AGMO: variants seen among roughly 807,000 people sequenced by gnomAD.
AGMO encodes the protein glyceryl-ether monooxygenase.
AGMO carries 75 observed loss-of-function variants against 60.2 expected under a neutral mutation model. That is an observed-to-expected ratio of 1.25 (90% CI 1.03 to 1.51). The LOEUF is 1.51. Among genes scored for constraint, AGMO ranks in the 40% most tolerant of loss-of-function variants. The pLI, the probability that AGMO is intolerant of heterozygous loss-of-function variation, is 0.00. For missense variants in AGMO, 763 were observed against 525.5 expected (o/e 1.45, Z -4.42); for synonymous variants, 261 against 177.1 (o/e 1.47, Z -3.76).
intron 10 of AGMO, among the ~76,000 whole-genome samples, chr7:15,385,048 A>C (rs1783859463): frequency 6.6e-6 from 1 of 152,118 alleles, no homozygotes; most frequent in Admixed American, 6.5e-5. Flanking sequence ...CTACACTGAA[A>C]ACCCTTTAAA....
chr7:15,514,705 A>G (rs1306115202), intron 3 of AGMO, among the ~76,000 whole-genome samples: 2 of 152,196 alleles, frequency 1.3e-5, no homozygotes, highest in African/African-American at 4.8e-5. Context: ...TGTCATCAAG[A>G]AAGGGAAAAA....
rs536193303 is a variant in AGMO, at chr7:15,544,833, A to C, written c.348T>G (p.Thr116=). The part of the protein sequence containing the change: ...LFNLPWDSPW[T]WYSAFLGVDF... ...CAACTCCTAAGAAGGCTGAATACCA[A>C]GTCCATGGAGAATCCCAAGGCAAAT... is the stretch of plus-strand genomic sequence containing the variant. The change falls in exon 3 of 13, where the codon ACT becomes ACG. Residue 116 remains threonine, a synonymous_variant. Transcript: ENST00000342526. The C allele has an allele frequency of 9.9e-6, 16 of 1,610,284 alleles. No homozygotes were observed. The highest frequency in any genetic ancestry group is 1.3e-5 in the Non-Finnish European group (15 of 1,178,048).
At chr7:15,454,162 T>C (rs1359037948) in intron 3 of AGMO, among the ~76,000 whole-genome samples, 6 of 151,760 alleles carry the variant, frequency 4.0e-5, no homozygotes, top group Non-Finnish European at 2.9e-5. Flanking sequence ...TATATGCTCA[T>C]TGTAGAAAAT....
chr7:15,441,475 A>G (rs1781552196), intron 3 of AGMO, among the ~76,000 whole-genome samples: 1 of 152,216 alleles, frequency 6.6e-6, no homozygotes, highest in Non-Finnish European at 1.5e-5. Flanking sequence ...AAATACATTC[A>G]AAAGGAGTTC....
chr7:15,278,861 T>TG lies in AGMO; in HGVS notation c.1264-77503dup, dbSNP rs572745929. On this transcript the variant is annotated intron_variant, in intron 12 of 12. Transcript: ENST00000342526. ...CCAGGCTGCAGCTATAGTACTCACA[T>TG]GGGGACAGGGTGACTCCACTGAGGA... Among the ~76,000 whole-genome samples, 52 of 152,140 alleles carry TG rather than the reference T, an allele frequency of 3.4e-4. No individual in the cohort carries two copies. In the East Asian group the frequency reaches 9.5e-3, roughly 28 times the overall value.
intron 12 of AGMO, among the ~76,000 whole-genome samples, chr7:15,236,626 A>C (rs1451354751): frequency 2.6e-5 from 4 of 152,116 alleles, no homozygotes; most frequent in African/African-American, 9.7e-5. Flanking sequence ...CCAGTCATCG[A>C]TGATATTATT....
At chr7:15,559,468 A>T (rs1232187703) in intron 2 of AGMO, among the ~76,000 whole-genome samples, 1 of 152,100 alleles carries the variant, frequency 6.6e-6, no homozygotes. Flanking sequence ...TAATGAATGA[A>T]TCTGAATTGG....
At chr7:15,517,184 T>C (rs188095522) in intron 3 of AGMO, among the ~76,000 whole-genome samples, 200 of 151,990 alleles carry the variant, frequency 1.3e-3, no homozygotes, top group African/African-American at 4.6e-3. Flanking sequence ...TCAAACTTGA[T>C]GGAATCACAA....
rs115713406 is a variant in AGMO, at chr7:15,479,218, C to A, written c.410-48110G>T. ...GACAACCTAAAATAAGAGATGCTCT[C>A]ATGTTTGTGATAACAGAGTTGAAGG... On this transcript the variant is annotated intron_variant, in intron 3 of 12. Transcript: ENST00000342526. Among the ~76,000 whole-genome samples, 1,091 of 152,202 alleles carry A rather than the reference C, an allele frequency of 7.2e-3. 17 individuals carry two copies. Among genetic ancestry groups the A allele is most frequent in the African/African-American group, 0.025 (1,038 of 41,540 alleles).
At chr7:15,311,526 C>T (rs565467147) in intron 12 of AGMO, among the ~76,000 whole-genome samples, 66 of 152,182 alleles carry the variant, frequency 4.3e-4, no homozygotes, top group Non-Finnish European at 7.2e-4. Context: ...CAAACCAATC[C>T]GGGCTCAGAT....
At chr7:15,233,841 G>C (rs1033418682) in intron 12 of AGMO, among the ~76,000 whole-genome samples, 21 of 152,226 alleles carry the variant, frequency 1.4e-4, no homozygotes, top group African/African-American at 4.8e-4. Flanking sequence ...CACGAGGTCA[G>C]TTCGAGACCA....
chr7:15,315,327 G>GTTTTTTT (rs1780888195), intron 12 of AGMO, among the ~76,000 whole-genome samples: 1 of 68,842 alleles, frequency 1.5e-5, no homozygotes, highest in African/African-American at 6.1e-5. Context: ...ATGGATATTT[G>GTTTTTTT]CTTTTTTTTT....
At chr7:15,200,195 ATTTT>A (rs11315978), downstream of AGMO, 1 of 151,132 alleles carries the variant, frequency 6.6e-6, no homozygotes, top group Non-Finnish European at 1.5e-5. Flanking sequence ...AAAAATAAAG[ATTTT>A]TTTTTTAACT....
At chr7:15,247,691 T>G (rs1379725544) in intron 12 of AGMO, among the ~76,000 whole-genome samples, 1 of 152,092 alleles carries the variant, frequency 6.6e-6, no homozygotes, top group Non-Finnish European at 1.5e-5. Flanking sequence ...AACAAAATAT[T>G]TTCCCAACAT....
intron 3 of AGMO, among the ~76,000 whole-genome samples, chr7:15,431,805 A>G (rs1781247982): frequency 6.6e-6 from 1 of 151,796 alleles, no homozygotes; most frequent in Admixed American, 6.6e-5. Flanking sequence ...TATTTTCATC[A>G]AGCACTATAC....
At chr7:15,388,520 G>A (rs1052375817) in intron 8 of AGMO, among the ~76,000 whole-genome samples, 1 of 152,106 alleles carries the variant, frequency 6.6e-6, no homozygotes, top group Non-Finnish European at 1.5e-5. Flanking sequence ...GTACAGTTTT[G>A]TTTCTATCAT....
chr7:15,316,657 G>A (rs1012718091), intron 12 of AGMO, among the ~76,000 whole-genome samples: 9 of 151,978 alleles, frequency 5.9e-5, no homozygotes, highest in African/African-American at 1.9e-4. Context: ...AAGCAGAGGG[G>A]ATAATAATAG....
chr7:15,176,197 A>G, the AGMO span, among the ~76,000 whole-genome samples: 1 of 151,974 alleles, frequency 6.6e-6, no homozygotes, highest in Non-Finnish European at 1.5e-5. Flanking sequence ...CATTATTTAC[A>G]TTTCCTTTTA....
At chr7:15,493,362 C>CACACAG in intron 3 of AGMO, among the ~76,000 whole-genome samples, 2 of 102,258 alleles carry the variant, frequency 2.0e-5, no homozygotes, top group East Asian at 6.1e-4. Flanking sequence ...CACACACACA[C>CACACAG]TTCTTTTTTT....
Sources: gnomAD v4.1 joint callset for allele counts (sites outside exome capture counted in the v4.1 genomes callset) on GRCh38, gnomAD v4.1.1 for gene constraint, MANE v1.5 for transcripts, NCBI Gene and HGNC (gene_info 2026-07-23, HGNC 2026-07-21) for gene names.